Variants in HPSE2 observed in about 807,000 individuals in gnomAD.
HPSE2 encodes the protein heparanase 2 (inactive).
HPSE2 carries 38 observed loss-of-function variants against 60.5 expected under a neutral mutation model. The observed-to-expected ratio is 0.63, with a 90% confidence interval of 0.48 to 0.82. The LOEUF is 0.82. Ranked by LOEUF, HPSE2 falls within the 40% of genes least tolerant of loss-of-function variation. HPSE2 has a pLI of 0.00. For synonymous variants in HPSE2, 295 were observed against 293.2 expected (o/e 1.01, Z -0.06); for missense variants, 713 against 740.4 (o/e 0.96, Z 0.43).
chr10:99,213,557 A>G (rs994075725), intron 2 of HPSE2, among the ~76,000 whole-genome samples: 8 of 152,218 alleles, frequency 5.3e-5, no homozygotes, highest in East Asian at 1.9e-4. Context: ...ATCTTATACA[A>G]TGTCACTGTC....
intron 3 of HPSE2, among the ~76,000 whole-genome samples, chr10:99,100,788 G>T (rs1389215993): frequency 6.6e-6 from 1 of 152,186 alleles, no homozygotes; most frequent in Non-Finnish European, 1.5e-5. Context: ...ACTAACAGCA[G>T]ATCTCTCGTC....
chr10:98,514,716 T>G (rs1035623085), intron 9 of HPSE2, among the ~76,000 whole-genome samples: 5 of 21,290 alleles, frequency 2.3e-4, no homozygotes, highest in Non-Finnish European at 9.4e-4. Context: ...ACTTTGTTTT[T>G]TTTTTTTTTT....
At chr10:99,285,190 C>A in the HPSE2 span, among the ~76,000 whole-genome samples, 1 of 151,540 alleles carries the variant, frequency 6.6e-6, no homozygotes, top group African/African-American at 2.4e-5. Flanking sequence ...AACACTTTGG[C>A]AGGCTGAATG....
chr10:98,609,220 T>C (rs1945679884), intron 9 of HPSE2, among the ~76,000 whole-genome samples: 1 of 152,172 alleles, frequency 6.6e-6, no homozygotes, highest in Non-Finnish European at 1.5e-5. Flanking sequence ...TAATACACTA[T>C]AGGGCTTCTG....
At chr10:98,990,079 A>G (rs530007449) in intron 3 of HPSE2, among the ~76,000 whole-genome samples, 17 of 152,340 alleles carry the variant, frequency 1.1e-4, no homozygotes, top group African/African-American at 3.8e-4. Context: ...GATTAAAACA[A>G]GTGTCAGATT....
In HPSE2 at chr10:98,511,389, A is replaced by G. The variant is rs922290711; in HGVS notation, c.1321-21193T>C. Among the ~76,000 whole-genome samples the G allele has an allele frequency of 2.0e-5, 3 of 152,238 alleles. No individual in the cohort carries two copies. The East Asian group carries it at 5.8e-4, about 29-fold the overall frequency. The stretch of plus-strand genomic sequence containing the variant: ...ATGGTCTTGATCGCCTGACTTCATG[A>G]TCCACACGCCTTGGCCTCCCAAAGT... On this transcript the variant is annotated intron_variant, in intron 9 of 11. Transcript: ENST00000370552.
rs879569282 is a variant in HPSE2 at position 98,741,178 on chromosome 10, G to A, written c.784+2705C>T. Among the ~76,000 whole-genome samples, 16 of 152,058 alleles carry A rather than the reference G, an allele frequency of 1.1e-4. No homozygotes were observed. The South Asian group carries it at 1.5e-3, about 14-fold the overall frequency. On this transcript the variant is annotated intron_variant, in intron 4 of 11. Coordinates refer to ENST00000370552, the MANE Select transcript of HPSE2 (RefSeq NM_021828.5). Reference sequence around the variant, plus strand: ...AAACACTAAATCTAGATTTTCTGACGAGATTCATAATGACCTATAGAAATA... The same window carrying A: ...AAACACTAAATCTAGATTTTCTGACAAGATTCATAATGACCTATAGAAATA...
chr10:99,301,459 A>G, the HPSE2 span, among the ~76,000 whole-genome samples: 1 of 152,202 alleles, frequency 6.6e-6, no homozygotes, highest in Non-Finnish European at 1.5e-5. Flanking sequence ...CTCCTGGGAC[A>G]AGGACTTTGG....
chr10:99,077,316 C>G (rs1288742623), intron 3 of HPSE2, among the ~76,000 whole-genome samples: 1 of 152,194 alleles, frequency 6.6e-6, no homozygotes, highest in Non-Finnish European at 1.5e-5. Flanking sequence ...CCTTTCTCCA[C>G]CTCTTCTCCA....
At chr10:98,868,685 AC>A (rs1053129594) in intron 3 of HPSE2, among the ~76,000 whole-genome samples, 4 of 152,174 alleles carry the variant, frequency 2.6e-5, no homozygotes, top group African/African-American at 9.7e-5. Flanking sequence ...AATGCTCAGC[AC>A]ATTAACTTCC....
In HPSE2 at chr10:98,835,849, A is replaced by G. The variant is rs147044646; in HGVS notation, c.611-91793T>C. Reference sequence around the variant, plus strand: ...TCACACCTTTTCTTTGGAATTGTCAAATAAAATTTATGGGAGGCCATTGTT... The same window carrying G: ...TCACACCTTTTCTTTGGAATTGTCAGATAAAATTTATGGGAGGCCATTGTT... On this transcript the variant is annotated intron_variant, in intron 3 of 11. Coordinates refer to ENST00000370552, the MANE Select transcript of HPSE2 (RefSeq NM_021828.5). 2.8e-3 allele frequency among the ~76,000 whole-genome samples: 432 copies of G among 152,266 alleles called. 4 individuals are homozygous for G. The highest frequency in any genetic ancestry group is 9.9e-3 in the African/African-American group (411 of 41,552).
chr10:98,983,662 C>A (rs1197818198), intron 3 of HPSE2, among the ~76,000 whole-genome samples: 13 of 152,162 alleles, frequency 8.5e-5, no homozygotes, highest in Admixed American at 2.6e-4. Context: ...AAGTAAAGCT[C>A]AAACTTCGGC....
chr10:98,931,082 T>C lies in HPSE2; in HGVS notation c.611-187026A>G, dbSNP rs945498469. ...GAATGGTATTGCCTAGATTTTCTTC[T>C]AGGGTTTTTATGGTTTTCGGTTTTA... On this transcript the variant is annotated intron_variant, in intron 3 of 11. Transcript: ENST00000370552. Among the ~76,000 whole-genome samples the C allele has an allele frequency of 4.2e-5, 6 of 144,318 alleles. 1 individual carries two copies. The highest frequency in any genetic ancestry group is 7.4e-5 in the Non-Finnish European group (5 of 67,226). 94.7% of individuals were successfully genotyped at this position (144,318 alleles called of 152,430 possible). A position where few individuals can be genotyped will look rare whatever the true frequency, so the allele number is the denominator to read the frequency against.
At chr10:98,665,433 G>A (rs999653730) in intron 6 of HPSE2, among the ~76,000 whole-genome samples, 12 of 152,024 alleles carry the variant, frequency 7.9e-5, no homozygotes, top group African/African-American at 2.4e-4. Context: ...AGAAATACAG[G>A]GAGCCCCTGT....
the HPSE2 span, among the ~76,000 whole-genome samples, chr10:99,288,900 G>A: frequency 1.3e-5 from 2 of 152,084 alleles, no homozygotes; most frequent in South Asian, 4.1e-4. Flanking sequence ...TAAAATTTGT[G>A]TAAGAAAGAA....
At chr10:98,812,694 C>A (rs1475665643) in intron 3 of HPSE2, among the ~76,000 whole-genome samples, 1 of 152,148 alleles carries the variant, frequency 6.6e-6, no homozygotes, top group Admixed American at 6.5e-5. Context: ...TTCAAGCACT[C>A]AGTAGCCACA....
chr10:98,613,930 T>C (rs1185234304), intron 9 of HPSE2, among the ~76,000 whole-genome samples: 1 of 152,248 alleles, frequency 6.6e-6, no homozygotes, highest in African/African-American at 2.4e-5. Flanking sequence ...TTCTGGTCCA[T>C]GGAATTTCTC....
intron 11 of HPSE2, chr10:98,461,699 C>G: frequency 8.2e-7 from 1 of 1,224,868 alleles, no homozygotes. Flanking sequence ...TATCAGGTCT[C>G]TGCTAGAAAA....
intron 6 of HPSE2, among the ~76,000 whole-genome samples, chr10:98,661,246 A>G (rs927413100): frequency 6.6e-6 from 1 of 152,248 alleles, no homozygotes; most frequent in Non-Finnish European, 1.5e-5. Flanking sequence ...ACTTGGACTA[A>G]TGAAGTCCCA....
Sources: gnomAD v4.1 joint callset for allele counts (sites outside exome capture counted in the v4.1 genomes callset) on GRCh38, gnomAD v4.1.1 for gene constraint, MANE v1.5 for transcripts, NCBI Gene and HGNC (gene_info 2026-07-23, HGNC 2026-07-21) for gene names.